ABTB3: variants seen among roughly 807,000 people sequenced by gnomAD.
ABTB3 encodes the protein ankyrin repeat- and BTB/POZ domain-containing protein 3.
chr12:107,461,356 C>T, the ABTB3 span, among the ~76,000 whole-genome samples: 1 of 152,252 alleles, frequency 6.6e-6, no homozygotes, highest in Admixed American at 6.5e-5. Context: ...AGAGAGGACA[C>T]ACAGAGACAC....
At chr12:107,357,634 T>G in the ABTB3 span, among the ~76,000 whole-genome samples, 1 of 152,076 alleles carries the variant, frequency 6.6e-6, no homozygotes, top group Non-Finnish European at 1.5e-5. Flanking sequence ...AATTAAAAAA[T>G]AAAAATAAGT....
At chr12:107,415,105 G>T in the ABTB3 span, among the ~76,000 whole-genome samples, 1 of 152,092 alleles carries the variant, frequency 6.6e-6, no homozygotes, top group Non-Finnish European at 1.5e-5. Flanking sequence ...GGACACGCAC[G>T]ATCTGTTTCC....
the ABTB3 span, among the ~76,000 whole-genome samples, chr12:107,497,681 G>T: frequency 6.6e-6 from 1 of 152,134 alleles, no homozygotes; most frequent in African/African-American, 2.4e-5. Flanking sequence ...GGCATTTCTC[G>T]CAATCATTCT....
At chr12:107,553,926 C>T in the ABTB3 span, among the ~76,000 whole-genome samples, 1 of 151,896 alleles carries the variant, frequency 6.6e-6, no homozygotes, top group Non-Finnish European at 1.5e-5. Context: ...AGTGACAGAG[C>T]AAGACTGTCT....
the ABTB3 span, among the ~76,000 whole-genome samples, chr12:107,371,621 C>T: frequency 1.2e-4 from 18 of 152,150 alleles, no homozygotes; most frequent in East Asian, 3.8e-4. Flanking sequence ...AATAAGTGTA[C>T]GCTCAAGATA....
At chr12:107,529,864 G>A in the ABTB3 span, among the ~76,000 whole-genome samples, 2 of 152,282 alleles carry the variant, frequency 1.3e-5, no homozygotes, top group African/African-American at 4.8e-5. Flanking sequence ...CATGGTCTCT[G>A]CTTTTGAAAC....
chr12:107,623,586 C>T, the ABTB3 span, among the ~76,000 whole-genome samples: 9 of 152,020 alleles, frequency 5.9e-5, 1 homozygote, highest in South Asian at 2.1e-4. Flanking sequence ...AGGCTGGTCT[C>T]GAACTCCTGA....
the ABTB3 span, among the ~76,000 whole-genome samples, chr12:107,338,118 T>A: frequency 1.3e-5 from 2 of 152,218 alleles, no homozygotes; most frequent in African/African-American, 4.8e-5. Context: ...CTGAGCCGGT[T>A]TAACCTAATG....
chr12:107,590,711 AG>A, the ABTB3 span, among the ~76,000 whole-genome samples: 4 of 152,244 alleles, frequency 2.6e-5, no homozygotes, highest in Non-Finnish European at 5.9e-5. Context: ...ATAGCAACAC[AG>A]GGAACTACAT....
At chr12:107,599,381 A>G in the ABTB3 span, among the ~76,000 whole-genome samples, 1 of 152,220 alleles carries the variant, frequency 6.6e-6, no homozygotes, top group African/African-American at 2.4e-5. Context: ...AGTTTGCTGA[A>G]GGTAACACAG....
chr12:107,473,331 G>T, the ABTB3 span, among the ~76,000 whole-genome samples: 4 of 151,850 alleles, frequency 2.6e-5, no homozygotes, highest in African/African-American at 9.7e-5. Context: ...ATGCTGTTTT[G>T]ACTCCCACAG....
chr12:107,366,619 C>T, the ABTB3 span, among the ~76,000 whole-genome samples: 2 of 152,176 alleles, frequency 1.3e-5, no homozygotes, highest in African/African-American at 4.8e-5. Context: ...AGTGAAAATG[C>T]AGCTTTAAGA....
the ABTB3 span, among the ~76,000 whole-genome samples, chr12:107,361,289 T>C: frequency 2.0e-5 from 3 of 152,214 alleles, no homozygotes; most frequent in Non-Finnish European, 4.4e-5. Flanking sequence ...TTTACGTTTT[T>C]TCCTTACAAG....
At chr12:107,519,313 T>G in the ABTB3 span, among the ~76,000 whole-genome samples, 5 of 140,398 alleles carry the variant, frequency 3.6e-5, no homozygotes, top group African/African-American at 1.4e-4. Context: ...TTTTCTTTTC[T>G]TTTCTTTTTT....
the ABTB3 span, among the ~76,000 whole-genome samples, chr12:107,408,023 A>C: frequency 2.6e-5 from 4 of 152,072 alleles, no homozygotes; most frequent in Non-Finnish European, 4.4e-5. Flanking sequence ...CAACGAAATA[A>C]ATAAAACTGA....
the ABTB3 span, among the ~76,000 whole-genome samples, chr12:107,620,782 C>T: frequency 1.3e-5 from 2 of 152,320 alleles, no homozygotes; most frequent in East Asian, 1.9e-4. Context: ...CAGAGAAATG[C>T]AGCCTCTTCA....
chr12:107,507,906 T>C, the ABTB3 span, among the ~76,000 whole-genome samples: 1 of 152,246 alleles, frequency 6.6e-6, no homozygotes, highest in African/African-American at 2.4e-5. Context: ...GTGCCATCAG[T>C]GTAGCATGGA....
chr12:107,610,123 G>A, the ABTB3 span: 6 of 1,587,314 alleles, frequency 3.8e-6, no homozygotes, highest in African/African-American at 6.7e-5. Context: ...GGTGCTTCCT[G>A]CGGAGTTTGC....
chr12:107,387,837 C>T, the ABTB3 span, among the ~76,000 whole-genome samples: 2 of 152,164 alleles, frequency 1.3e-5, no homozygotes, highest in Non-Finnish European at 2.9e-5. Context: ...AGGTCCCATA[C>T]AGGAGCTTTG....
Sources: allele counts gnomAD v4.1 joint callset (sites outside exome capture counted in the v4.1 genomes callset), GRCh38; gene constraint gnomAD v4.1.1; transcripts MANE v1.5; gene names NCBI Gene and HGNC (gene_info 2026-07-23, HGNC 2026-07-21).